MACROD2: variants seen among roughly 807,000 people sequenced by gnomAD.
The protein encoded by MACROD2 is ADP-ribose glycohydrolase MACROD2.
A neutral mutation model predicts 70.4 loss-of-function variants in MACROD2; 36 were observed. That is an observed-to-expected ratio of 0.51 (90% confidence interval 0.39 to 0.68). The LOEUF is 0.68. Ranked by LOEUF, MACROD2 falls within the 30% of genes least tolerant of loss-of-function variation. MACROD2 has a pLI of 0.00. For synonymous variants in MACROD2, 172 were observed against 178.8 expected (o/e 0.96, Z 0.30); for missense variants, 496 against 538.4 (o/e 0.92, Z 0.78).
chr20:15,411,156 A>ACG (rs2046073903), intron 6 of MACROD2, among the ~76,000 whole-genome samples: 1 of 137,306 alleles, frequency 7.3e-6, no homozygotes, highest in Non-Finnish European at 1.5e-5. Flanking sequence ...ATTTACACAC[A>ACG]CACACACACA....
intron 3 of MACROD2, among the ~76,000 whole-genome samples, chr20:14,365,637 C>A (rs2083264879): frequency 6.6e-6 from 1 of 151,766 alleles, no homozygotes; most frequent in South Asian, 2.1e-4. Context: ...TTATTATTTC[C>A]TTCACTCTGT....
intron 9 of MACROD2, 41 bp from the exon 10 acceptor site, chr20:15,885,723 T>G (rs558074221): frequency 7.0e-7 from 1 of 1,435,468 alleles, no homozygotes; most frequent in South Asian, 1.4e-5. Context: ...GTTTCCCACT[T>G]TCATATAAGT....
intron 1 of MACROD2, among the ~76,000 whole-genome samples, chr20:13,998,581 C>T (rs2052692524): frequency 6.6e-6 from 1 of 152,114 alleles, no homozygotes; most frequent in Admixed American, 6.6e-5. Context: ...TGTGATAATT[C>T]TAAATTTACC....
At chr20:15,736,821 G>A (rs988053998) in intron 8 of MACROD2, among the ~76,000 whole-genome samples, 1 of 152,138 alleles carries the variant, frequency 6.6e-6, no homozygotes, top group Non-Finnish European at 1.5e-5. Flanking sequence ...TTCAGCCTCT[G>A]TGGATTTTGG....
intron 6 of MACROD2, among the ~76,000 whole-genome samples, chr20:15,288,885 C>T (rs930955883): frequency 5.3e-5 from 8 of 151,912 alleles, no homozygotes; most frequent in Non-Finnish European, 1.0e-4. Context: ...ATCTATCTAT[C>T]TATCTATCTA....
At chr20:15,989,584 T>A (rs1328817409) in intron 15 of MACROD2, among the ~76,000 whole-genome samples, 4 of 152,152 alleles carry the variant, frequency 2.6e-5, no homozygotes, top group Non-Finnish European at 5.9e-5. Context: ...AGTAGCAATT[T>A]TTTTTACTTT....
chr20:15,770,514 G>A (rs949289123), intron 8 of MACROD2, among the ~76,000 whole-genome samples: 1 of 151,894 alleles, frequency 6.6e-6, no homozygotes, highest in Non-Finnish European at 1.5e-5. Context: ...TTTCACCCTT[G>A]TTCCCAACTC....
chr20:14,387,991 A>G (rs1410926826), intron 3 of MACROD2, among the ~76,000 whole-genome samples: 1 of 146,602 alleles, frequency 6.8e-6, no homozygotes, highest in African/African-American at 2.5e-5. Flanking sequence ...ACTTTTTTTT[A>G]TAGGTGACTT....
chr20:15,032,733 C>T (rs1235665772), intron 5 of MACROD2, among the ~76,000 whole-genome samples: 1 of 152,106 alleles, frequency 6.6e-6, no homozygotes, highest in Non-Finnish European at 1.5e-5. Flanking sequence ...TGGCATATAC[C>T]TAAAAGAATT....
At chr20:14,044,374 T>C (rs1162286496) in intron 2 of MACROD2, among the ~76,000 whole-genome samples, 2 of 152,108 alleles carry the variant, frequency 1.3e-5, no homozygotes, top group African/African-American at 4.8e-5. Context: ...GCAAGATTTA[T>C]TGCAAAGAGC....
At chr20:15,783,284 G>T (rs1004952082) in intron 8 of MACROD2, among the ~76,000 whole-genome samples, 6 of 152,218 alleles carry the variant, frequency 3.9e-5, no homozygotes, top group Non-Finnish European at 7.4e-5. Context: ...TGTGCTGGAG[G>T]TTTCTAATTA....
chr20:15,492,862 G>T (rs971443362), intron 7 of MACROD2, among the ~76,000 whole-genome samples: 2 of 152,134 alleles, frequency 1.3e-5, no homozygotes, highest in Non-Finnish European at 2.9e-5. Flanking sequence ...TTTTTAAACT[G>T]CTGCTCCTAA....
At chr20:14,623,411 C>G in intron 4 of MACROD2, among the ~76,000 whole-genome samples, 1 of 152,158 alleles carries the variant, frequency 6.6e-6, no homozygotes, top group Non-Finnish European at 1.5e-5. Flanking sequence ...CGTGGGATCA[C>G]TTGCTAATGA....
intron 3 of MACROD2, among the ~76,000 whole-genome samples, chr20:14,278,949 T>A (rs1175507470): frequency 6.6e-6 from 1 of 152,222 alleles, no homozygotes; most frequent in African/African-American, 2.4e-5. Context: ...TCATTGTTAC[T>A]ATAATACAGA....
intron 6 of MACROD2, among the ~76,000 whole-genome samples, chr20:15,292,137 A>T (rs1457791563): frequency 9.9e-5 from 15 of 152,154 alleles, no homozygotes; most frequent in Non-Finnish European, 5.9e-5. Flanking sequence ...CAGCCTCCTG[A>T]ATAGCTGGGA....
chr20:14,847,483 CTGTT>C (rs762588297), intron 5 of MACROD2, among the ~76,000 whole-genome samples: 2 of 100,442 alleles, frequency 2.0e-5, no homozygotes, highest in African/African-American at 3.9e-5. Context: ...GAAGTGTTGC[CTGTT>C]TTTTTTTTTT....
chr20:15,178,955 A>C (rs2076481338), intron 5 of MACROD2, among the ~76,000 whole-genome samples: 1 of 152,176 alleles, frequency 6.6e-6, no homozygotes, highest in South Asian at 2.1e-4. Context: ...ACTATGAGGA[A>C]GCATAAGGGA....
At chr20:14,594,878 C>T (rs1388618805) in intron 4 of MACROD2, among the ~76,000 whole-genome samples, 1 of 152,044 alleles carries the variant, frequency 6.6e-6, no homozygotes, top group Non-Finnish European at 1.5e-5. Flanking sequence ...GATGAAAGAG[C>T]GAGACTCCAT....
At chr20:14,537,360 C>T (rs569894240) in intron 4 of MACROD2, among the ~76,000 whole-genome samples, 36 of 152,140 alleles carry the variant, frequency 2.4e-4, no homozygotes, top group Non-Finnish European at 4.1e-4. Flanking sequence ...AGGACTAAGT[C>T]CTGCTATAGA....
Sources: gnomAD v4.1 joint callset for allele counts (sites outside exome capture counted in the v4.1 genomes callset) on GRCh38, gnomAD v4.1.1 for gene constraint, MANE v1.5 for transcripts, NCBI Gene and HGNC (gene_info 2026-07-23, HGNC 2026-07-21) for gene names.